CEP89: variants seen among roughly 807,000 people sequenced by gnomAD.
The protein encoded by CEP89 is centrosomal protein 89, also known as centrosomal protein of 89 kDa.
CEP89 carries 95 observed loss-of-function variants against 97.6 expected under a neutral mutation model. The observed-to-expected ratio is 0.97, with a 90% confidence interval of 0.82 to 1.15. The LOEUF (loss-of-function observed/expected upper bound fraction) is 1.15, where lower values mean the gene tolerates loss of function less well. Ranked by LOEUF, CEP89 falls within the 50% of genes most tolerant of loss-of-function variation. The pLI is 0.00. For synonymous variants in CEP89, 354 were observed against 349.1 expected (o/e 1.01, Z -0.16); for missense variants, 869 against 947.7 (o/e 0.92, Z 1.09).
chr19:32,903,631 A>G (rs1442427702), intron 14 of CEP89, among the ~76,000 whole-genome samples: 1 of 152,200 alleles, frequency 6.6e-6, no homozygotes, highest in Non-Finnish European at 1.5e-5. Flanking sequence ...AGAAGGATAG[A>G]TTTGTGAAGT....
chr19:32,967,965 A>G (rs1176668630), intron 1 of CEP89, among the ~76,000 whole-genome samples: 1 of 152,150 alleles, frequency 6.6e-6, no homozygotes, highest in Non-Finnish European at 1.5e-5. Context: ...CAGGAATGTT[A>G]GGTAGTGGTC....
intron 16 of CEP89, among the ~76,000 whole-genome samples, chr19:32,891,109 A>G (rs1969506472): frequency 6.6e-6 from 1 of 152,200 alleles, no homozygotes; most frequent in Non-Finnish European, 1.5e-5. Flanking sequence ...AGGGAGCCGA[A>G]GCAAGTGCTC....
chr19:32,956,049 C>CTTTTTTTTTTT (rs202179963), intron 3 of CEP89, among the ~76,000 whole-genome samples: 2 of 105,766 alleles, frequency 1.9e-5, no homozygotes, highest in African/African-American at 3.7e-5. Context: ...CAATTTGGTT[C>CTTTTTTTTTTT]TTTTTTTTTT....
chr19:32,923,081 C>T (rs1970284963), intron 12 of CEP89, among the ~76,000 whole-genome samples: 1 of 152,158 alleles, frequency 6.6e-6, no homozygotes, highest in South Asian at 2.1e-4. Flanking sequence ...TTTGGGAGGC[C>T]ATTTTGAGCT....
chr19:32,921,120 G>T (rs547903183), intron 12 of CEP89, among the ~76,000 whole-genome samples: 2 of 151,950 alleles, frequency 1.3e-5, no homozygotes, highest in African/African-American at 4.8e-5. Context: ...TACTCAGGAG[G>T]CTGAGGCAGG....
intron 6 of CEP89, 35 bp downstream of exon 6, chr19:32,939,822 T>C (rs764207265): frequency 4.1e-6 from 4 of 971,010 alleles, no homozygotes; most frequent in South Asian, 1.5e-5. Flanking sequence ...ACTCTATTTA[T>C]TGAGAAAATC....
chr19:32,894,838 C>T (rs1299557554), intron 16 of CEP89, among the ~76,000 whole-genome samples: 1 of 152,202 alleles, frequency 6.6e-6, no homozygotes, highest in East Asian at 1.9e-4. Flanking sequence ...GACTTCTTCA[C>T]CTGCTCTTAC....
In CEP89 at chr19:32,961,798, C is replaced by A. The variant is rs916009741; in HGVS notation, c.147-1740G>T. On this transcript the variant is annotated intron_variant, in intron 2 of 18. Transcript: ENST00000305768. ...AGCTGGGACTATAGGCACACGCCACCACACCTGGCTAATTTTTATATTTTT... is the reference window on the plus strand; with the variant it reads ...AGCTGGGACTATAGGCACACGCCACAACACCTGGCTAATTTTTATATTTTT... 7.0e-4 allele frequency among the ~76,000 whole-genome samples: 106 copies of A among 151,834 alleles called. 2 individuals carry two copies. The highest frequency in any genetic ancestry group is 6.8e-3 in the Admixed American group (104 of 15,202).
At chr19:32,939,403 ACAGTGG>A (rs1970640128) in intron 6 of CEP89, among the ~76,000 whole-genome samples, 1 of 152,162 alleles carries the variant, frequency 6.6e-6, no homozygotes, top group Admixed American at 6.6e-5. Flanking sequence ...AAGGCCAGGC[ACAGTGG>A]CTCATGCCTG....
At chr19:32,962,150 G>A (rs1268160331) in intron 2 of CEP89, among the ~76,000 whole-genome samples, 1 of 152,096 alleles carries the variant, frequency 6.6e-6, no homozygotes, top group African/African-American at 2.4e-5. Context: ...CCCATGTGTC[G>A]AAGGAGGAAA....
chr19:32,934,026 G>A (rs1970530589), intron 7 of CEP89, among the ~76,000 whole-genome samples: 1 of 152,246 alleles, frequency 6.6e-6, no homozygotes, highest in African/African-American at 2.4e-5. Context: ...GGCCAGCAGG[G>A]AAGAAGGCAG....
At chr19:32,945,089 A>G (rs1220614319) in intron 5 of CEP89, among the ~76,000 whole-genome samples, 2 of 152,166 alleles carry the variant, frequency 1.3e-5, no homozygotes, top group Non-Finnish European at 2.9e-5. Context: ...CTTCGAGACC[A>G]GTCTGACCAA....
chr19:32,938,462 G>A (rs987060454), intron 6 of CEP89, among the ~76,000 whole-genome samples: 8 of 152,170 alleles, frequency 5.3e-5, no homozygotes, highest in African/African-American at 1.7e-4. Context: ...CTAGAGGAAA[G>A]GGAAGGCTGT....
chr19:32,952,058 A>G lies in CEP89; in HGVS notation c.492+1557T>C, dbSNP rs575639573. 3.3e-5 allele frequency among the ~76,000 whole-genome samples: 5 copies of G among 152,330 alleles called. No homozygotes were observed. The South Asian group carries it at 1.0e-3, about 32-fold the overall frequency. Reference sequence around the variant, plus strand: ...ATTGAGCTCTGGGCAGTGTCTGCCTATTCCAGAGCTGCTTGCTATGAGAAG... The same window carrying G: ...ATTGAGCTCTGGGCAGTGTCTGCCTGTTCCAGAGCTGCTTGCTATGAGAAG... On this transcript the variant is annotated intron_variant, in intron 4 of 18. Transcript: ENST00000305768.
chr19:32,924,439 C>T (rs1970314734), intron 11 of CEP89, among the ~76,000 whole-genome samples: 1 of 152,154 alleles, frequency 6.6e-6, no homozygotes, highest in Non-Finnish European at 1.5e-5. Flanking sequence ...GTTTCAGCTC[C>T]CAACAGTCTG....
chr19:32,945,799 A>T (rs1970785278), intron 5 of CEP89, among the ~76,000 whole-genome samples: 1 of 152,048 alleles, frequency 6.6e-6, no homozygotes, highest in African/African-American at 2.4e-5. Context: ...TCATGCGCAG[A>T]TCCTTTCTTT....
At chr19:32,955,696 T>C (rs573765008) in intron 3 of CEP89, among the ~76,000 whole-genome samples, 3 of 152,026 alleles carry the variant, frequency 2.0e-5, no homozygotes, top group African/African-American at 7.2e-5. Flanking sequence ...GTATTTTTAG[T>C]AGACATGGGG....
chr19:32,913,815 T>C (rs1051888758), intron 14 of CEP89, among the ~76,000 whole-genome samples: 6 of 151,986 alleles, frequency 3.9e-5, no homozygotes, highest in African/African-American at 1.5e-4. Context: ...ATTTTTATAC[T>C]TTCAGTAGAG....
chr19:32,919,790 C>G (rs1261171710), intron 12 of CEP89, among the ~76,000 whole-genome samples: 1 of 152,180 alleles, frequency 6.6e-6, no homozygotes. Flanking sequence ...AGGCATGCAT[C>G]ACCACACCAA....
Sources: allele counts gnomAD v4.1 joint callset (sites outside exome capture counted in the v4.1 genomes callset), GRCh38; gene constraint gnomAD v4.1.1; transcripts MANE v1.5; gene names NCBI Gene and HGNC (gene_info 2026-07-23, HGNC 2026-07-21).